Variants in BMAL2 observed in about 807,000 individuals in gnomAD.
BMAL2 encodes the protein basic helix-loop-helix ARNT like 2.
chr12:27,344,854 G>T, the BMAL2 span, among the ~76,000 whole-genome samples: 1 of 152,208 alleles, frequency 6.6e-6, no homozygotes, highest in Admixed American at 6.5e-5. Flanking sequence ...GACCTGTGAG[G>T]ATTGTATAAA....
At chr12:27,348,317 T>A in the BMAL2 span, among the ~76,000 whole-genome samples, 5 of 152,340 alleles carry the variant, frequency 3.3e-5, no homozygotes, top group East Asian at 9.6e-4. Context: ...GATAGTGATG[T>A]TCTTGTGGTC....
At chr12:27,340,108 G>A in the BMAL2 span, among the ~76,000 whole-genome samples, 66 of 152,196 alleles carry the variant, frequency 4.3e-4, no homozygotes, top group African/African-American at 1.6e-3. Context: ...GGTTTAATTA[G>A]ATCCCATTTG....
the BMAL2 span, among the ~76,000 whole-genome samples, chr12:27,379,875 T>A: frequency 6.6e-6 from 1 of 151,890 alleles, no homozygotes. Context: ...ATAAAAATAA[T>A]GAGGTTAAGA....
At chr12:27,365,530 T>C in the BMAL2 span, among the ~76,000 whole-genome samples, 5 of 152,002 alleles carry the variant, frequency 3.3e-5, no homozygotes, top group African/African-American at 1.2e-4. Context: ...CTTTTTTTCA[T>C]ATAGTGGAAT....
At chr12:27,349,095 T>TG in the BMAL2 span, among the ~76,000 whole-genome samples, 1 of 152,230 alleles carries the variant, frequency 6.6e-6, no homozygotes, top group East Asian at 1.9e-4. Flanking sequence ...ATCAGAGTCA[T>TG]GGGGGAACCT....
At chr12:27,391,973 G>A in the BMAL2 span, among the ~76,000 whole-genome samples, 1 of 152,152 alleles carries the variant, frequency 6.6e-6, no homozygotes, top group South Asian at 2.1e-4. Context: ...AACCAGTGGG[G>A]ATCAGATTTT....
the BMAL2 span, among the ~76,000 whole-genome samples, chr12:27,387,677 T>G: frequency 6.6e-6 from 1 of 152,226 alleles, no homozygotes; most frequent in Admixed American, 6.5e-5. Context: ...CAAGAGACAC[T>G]TTATGGTTAA....
the BMAL2 span, among the ~76,000 whole-genome samples, chr12:27,372,825 C>G: frequency 3.9e-5 from 6 of 152,178 alleles, no homozygotes; most frequent in Middle Eastern, 3.4e-3. Context: ...AGGCGCCCAC[C>G]ACCACACCTG....
chr12:27,416,599 G>A, the BMAL2 span, among the ~76,000 whole-genome samples: 1 of 152,268 alleles, frequency 6.6e-6, no homozygotes, highest in South Asian at 2.1e-4. Context: ...TGTAAATCAA[G>A]CAGTATAAGA....
chr12:27,409,138 A>C, the BMAL2 span, among the ~76,000 whole-genome samples: 2 of 152,206 alleles, frequency 1.3e-5, no homozygotes, highest in Non-Finnish European at 2.9e-5. Context: ...ATGGGTAGGA[A>C]GAATCAATAT....
the BMAL2 span, among the ~76,000 whole-genome samples, chr12:27,373,605 A>G: frequency 6.6e-6 from 1 of 152,172 alleles, no homozygotes; most frequent in African/African-American, 2.4e-5. Flanking sequence ...AAGCCTGCCC[A>G]GAATATGTGA....
chr12:27,367,907 T>A, the BMAL2 span, among the ~76,000 whole-genome samples: 1 of 151,774 alleles, frequency 6.6e-6, no homozygotes. Flanking sequence ...TACAGTAGCA[T>A]GATCTCAGCT....
chr12:27,360,673 TC>T, the BMAL2 span, among the ~76,000 whole-genome samples: 1 of 152,036 alleles, frequency 6.6e-6, no homozygotes, highest in Non-Finnish European at 1.5e-5. Context: ...TTAATTAGCA[TC>T]AGTAACCTTC....
chr12:27,344,333 T>A, the BMAL2 span, among the ~76,000 whole-genome samples: 2 of 152,198 alleles, frequency 1.3e-5, no homozygotes, highest in Non-Finnish European at 2.9e-5. Context: ...CTACTTTGAC[T>A]TTGAGAGCAT....
chr12:27,417,720 G>A, the BMAL2 span, among the ~76,000 whole-genome samples: 2 of 152,282 alleles, frequency 1.3e-5, no homozygotes, highest in African/African-American at 2.4e-5. Flanking sequence ...TTGGCCAGGC[G>A]CAGTGGCTCA....
chr12:27,368,560 C>A, the BMAL2 span: 1 of 1,040,198 alleles, frequency 9.6e-7, no homozygotes, highest in South Asian at 1.7e-5. Context: ...CTACCTTTGT[C>A]GGTGACTGAC....
the BMAL2 span, among the ~76,000 whole-genome samples, chr12:27,382,833 C>T: frequency 6.6e-6 from 1 of 152,140 alleles, no homozygotes; most frequent in African/African-American, 2.4e-5. Flanking sequence ...GCTTTTTAAA[C>T]GATCTGGATG....
the BMAL2 span, among the ~76,000 whole-genome samples, chr12:27,360,715 T>G: frequency 5.4e-5 from 8 of 148,956 alleles, no homozygotes; most frequent in African/African-American, 1.7e-4. Context: ...GTACATTTTC[T>G]TATTTGATTC....
chr12:27,379,238 A>G, the BMAL2 span, among the ~76,000 whole-genome samples: 1 of 152,214 alleles, frequency 6.6e-6, no homozygotes, highest in Admixed American at 6.5e-5. Flanking sequence ...GGTACATCGC[A>G]GAGAATGCAT....
Sources: gnomAD v4.1 joint callset for allele counts (sites outside exome capture counted in the v4.1 genomes callset) on GRCh38, gnomAD v4.1.1 for gene constraint, MANE v1.5 for transcripts, NCBI Gene and HGNC (gene_info 2026-07-23, HGNC 2026-07-21) for gene names.